The following DENND1A variants were observed in gnomAD, a reference collection of about 807,000 sequenced individuals.
DENND1A encodes DENN domain containing 1A, also known as DENN domain-containing protein 1A.
In DENND1A, 51 loss-of-function variants were observed where a neutral mutation model predicts 113.7. The observed-to-expected ratio is 0.45, with a 90% CI of 0.36 to 0.57. The LOEUF (loss-of-function observed/expected upper bound fraction) is 0.57, where lower values mean the gene tolerates loss of function less well. Among genes scored for constraint, DENND1A ranks in the 20% least tolerant of loss-of-function variants. DENND1A has a pLI of 0.00. For missense variants in DENND1A, 1,258 were observed against 1,395.9 expected, an observed-to-expected ratio of 0.90 and a Z score of 1.57; for synonymous variants, 565 against 570.8, an observed-to-expected ratio of 0.99 and a Z score of 0.14.
chr9:123,490,782 G>A (rs1003510952), intron 13 of DENND1A, among the ~76,000 whole-genome samples: 3 of 152,042 alleles, frequency 2.0e-5, no homozygotes, highest in Non-Finnish European at 2.9e-5. Context: ...TGAGAGTTAC[G>A]TTGTTTTTTT....
intron 2 of DENND1A, among the ~76,000 whole-genome samples, chr9:123,834,592 CA>C (rs1181508733): frequency 6.6e-6 from 1 of 152,174 alleles, no homozygotes; most frequent in African/African-American, 2.4e-5. Flanking sequence ...CATAGATACA[CA>C]TGCATACGGG....
chr9:123,453,875 C>G (rs1190981711), intron 16 of DENND1A, among the ~76,000 whole-genome samples: 1 of 152,128 alleles, frequency 6.6e-6, no homozygotes, highest in Non-Finnish European at 1.5e-5. Flanking sequence ...TTAAATGGTC[C>G]TTTGGAGTAT....
intron 4 of DENND1A, 135 bp from the exon 5 acceptor site, chr9:123,757,957 G>A (rs1450201787): frequency 4.2e-6 from 4 of 946,242 alleles, no homozygotes; most frequent in Non-Finnish European, 5.7e-6. Context: ...CATTTCAAGG[G>A]AACAGACTGT....
intron 11 of DENND1A, among the ~76,000 whole-genome samples, chr9:123,593,658 C>CT (rs1191249073): frequency 2.0e-5 from 3 of 151,980 alleles, no homozygotes; most frequent in East Asian, 1.9e-4. Context: ...TTTTCTTTTT[C>CT]TTTTTTTTAA....
At chr9:123,844,178 C>A (rs1842239115) in intron 2 of DENND1A, among the ~76,000 whole-genome samples, 1 of 152,112 alleles carries the variant, frequency 6.6e-6, no homozygotes, top group Non-Finnish European at 1.5e-5. Context: ...ATATTCATTT[C>A]TGCCACTTCT....
chr9:123,457,926 C>G, intron 13 of DENND1A, 29 bp from the exon 14 acceptor site: 1 of 1,558,210 alleles, frequency 6.4e-7, no homozygotes, highest in Non-Finnish European at 8.8e-7. Context: ...AGAGGTGGGT[C>G]AGTGGCACGG....
At chr9:123,458,249 T>C (rs1482296368) in intron 13 of DENND1A, among the ~76,000 whole-genome samples, 1 of 152,028 alleles carries the variant, frequency 6.6e-6, no homozygotes. Context: ...GATCCACCCA[T>C]CTTGGCCTTC....
chr9:123,892,456 C>G (rs1188586207), intron 1 of DENND1A, among the ~76,000 whole-genome samples: 3 of 152,138 alleles, frequency 2.0e-5, no homozygotes, highest in African/African-American at 7.2e-5. Context: ...GTTTTCAAGA[C>G]ATTAGGCAAC....
intron 10 of DENND1A, among the ~76,000 whole-genome samples, chr9:123,619,531 T>C (rs542838353): frequency 2.0e-5 from 3 of 152,298 alleles, no homozygotes; most frequent in Admixed American, 6.5e-5. Flanking sequence ...GTGATTCTTC[T>C]ACTTCAGCCT....
chr9:123,722,735 T>C (rs1482247534), intron 5 of DENND1A, among the ~76,000 whole-genome samples: 1 of 152,222 alleles, frequency 6.6e-6, no homozygotes, highest in African/African-American at 2.4e-5. Context: ...GAATTGAGGT[T>C]TGGAAACCTC....
At chr9:123,432,800 G>A (rs1053763001) in intron 19 of DENND1A, among the ~76,000 whole-genome samples, 3 of 152,204 alleles carry the variant, frequency 2.0e-5, no homozygotes, top group Admixed American at 2.0e-4. Flanking sequence ...CTTTCCACAT[G>A]TTTGACTCAG....
chr9:123,525,804 G>A (rs1312449613), intron 13 of DENND1A, among the ~76,000 whole-genome samples: 1 of 144,134 alleles, frequency 6.9e-6, no homozygotes, highest in Non-Finnish European at 1.5e-5. Flanking sequence ...TGTGACGTAG[G>A]CTGGAGTGCA....
chr9:123,616,745 T>C (rs1026205965), intron 10 of DENND1A, among the ~76,000 whole-genome samples: 2 of 152,146 alleles, frequency 1.3e-5, no homozygotes, highest in African/African-American at 4.8e-5. Flanking sequence ...ACCCAGGAGC[T>C]TGAATTTTCA....
At chr9:123,401,862 G>A (rs561577325) in intron 21 of DENND1A, 2 of 1,614,198 alleles carry the variant, frequency 1.2e-6, no homozygotes, top group South Asian at 2.2e-5. Context: ...CGCAAAATGG[G>A]TAATGCTTTT....
intron 13 of DENND1A, among the ~76,000 whole-genome samples, chr9:123,555,199 G>C (rs2057351203): frequency 6.6e-6 from 1 of 152,034 alleles, no homozygotes; most frequent in South Asian, 2.1e-4. Context: ...AGCCACCCGG[G>C]GCTCTCTTCT....
chr9:123,785,877 C>T (rs1293217941), intron 3 of DENND1A, among the ~76,000 whole-genome samples: 1 of 152,200 alleles, frequency 6.6e-6, no homozygotes, highest in East Asian at 1.9e-4. Flanking sequence ...GCCTTTTGGG[C>T]AAGAGGTTGA....
intron 10 of DENND1A, among the ~76,000 whole-genome samples, chr9:123,622,090 A>C (rs1053210811): frequency 1.3e-5 from 2 of 152,214 alleles, no homozygotes; most frequent in African/African-American, 4.8e-5. Flanking sequence ...GGCATTTTAC[A>C]AAGTCAAATG....
At chr9:123,465,308 A>T (rs1300821320) in intron 13 of DENND1A, among the ~76,000 whole-genome samples, 1 of 80,094 alleles carries the variant, frequency 1.2e-5, no homozygotes. Context: ...TTTGTCTTTG[A>T]TTTTTTTTTT....
At chr9:123,734,257 A>G (rs1048083091) in intron 5 of DENND1A, among the ~76,000 whole-genome samples, 1 of 152,236 alleles carries the variant, frequency 6.6e-6, no homozygotes, top group African/African-American at 2.4e-5. Context: ...CTTTAAGATT[A>G]TGTGATACCC....
Sources: allele counts gnomAD v4.1 joint callset (sites outside exome capture counted in the v4.1 genomes callset), GRCh38; gene constraint gnomAD v4.1.1; transcripts MANE v1.5; gene names NCBI Gene and HGNC (gene_info 2026-07-23, HGNC 2026-07-21).